DHX35: variants seen among roughly 807,000 people sequenced by gnomAD.
DHX35 encodes probable ATP-dependent RNA helicase DHX35.
DHX35 carries 84 observed loss-of-function variants against 99.6 expected under a neutral mutation model. The observed-to-expected ratio is 0.84, with a 90% CI of 0.71 to 1.01. DHX35 has a LOEUF of 1.01. DHX35 is among the 50% of genes least tolerant of loss of function. The probability of loss-of-function intolerance (pLI) is 0.00; values close to 1 mark genes in which losing one functional copy is unlikely to be tolerated. For synonymous variants in DHX35, 331 were observed against 316.2 expected (o/e 1.05, Z -0.50); for missense variants, 852 against 888.5 (o/e 0.96, Z 0.52).
chr20:39,028,289 T>G, intron 18 of DHX35, 129 bp from the exon 19 acceptor site: 1 of 871,906 alleles, frequency 1.1e-6, no homozygotes, highest in Non-Finnish European at 1.9e-6. Context: ...TGGAGCCATT[T>G]CAGGAGAGGG....
intron 13 of DHX35, among the ~76,000 whole-genome samples, 179 bp from the exon 14 acceptor site, chr20:39,014,700 AG>A (rs1428287102): frequency 6.6e-6 from 1 of 152,220 alleles, no homozygotes; most frequent in Non-Finnish European, 1.5e-5. Flanking sequence ...AAGCAGTACA[AG>A]GGTGCCTAGA....
intron 8 of DHX35, among the ~76,000 whole-genome samples, chr20:38,998,999 A>G (rs1476241917): frequency 2.6e-5 from 4 of 151,958 alleles, no homozygotes; most frequent in Non-Finnish European, 5.9e-5. Flanking sequence ...GGGTTTCACT[A>G]TGTTGGCCAG....
intron 14 of DHX35, among the ~76,000 whole-genome samples, chr20:39,015,186 C>G (rs2086765217): frequency 6.6e-6 from 1 of 152,162 alleles, no homozygotes; most frequent in Non-Finnish European, 1.5e-5. Context: ...ATCACCAGGG[C>G]TACACTCCTA....
In DHX35 at chr20:39,002,071, C is replaced by T. The variant is rs894968959; in HGVS notation, c.755+229C>T. ...CGTAAGTCTGTGGCCAGTAGCTCAGCCAGAGAGAGCAAAAGTGGTGAAAGG... is the reference window on the plus strand; with the variant it reads ...CGTAAGTCTGTGGCCAGTAGCTCAGTCAGAGAGAGCAAAAGTGGTGAAAGG... On this transcript the variant is annotated intron_variant, in intron 9 of 21. Transcript: ENST00000252011. Among the ~76,000 whole-genome samples, 80 of 152,182 alleles carry T rather than the reference C, an allele frequency of 5.3e-4. 1 individual carries two copies. Among genetic ancestry groups the T allele is most frequent in the Non-Finnish European group, 1.8e-4 (12 of 68,030 alleles).
intron 8 of DHX35, among the ~76,000 whole-genome samples, chr20:38,997,711 G>T (rs548670123): frequency 6.6e-6 from 1 of 152,234 alleles, no homozygotes; most frequent in East Asian, 1.9e-4. Flanking sequence ...TGTGTGGGTT[G>T]TGGGTCCGTG....
intron 2 of DHX35, among the ~76,000 whole-genome samples, chr20:38,971,875 A>G (rs369441908): frequency 3.3e-5 from 5 of 152,198 alleles, no homozygotes; most frequent in South Asian, 4.1e-4. Flanking sequence ...TTGTTGATCA[A>G]CATTTAGGCT....
chr20:38,980,368 C>T (rs2086152675), intron 3 of DHX35, among the ~76,000 whole-genome samples: 1 of 152,102 alleles, frequency 6.6e-6, no homozygotes, highest in Non-Finnish European at 1.5e-5. Flanking sequence ...GTTTCCTCAT[C>T]TGTGTATTGT....
chr20:38,980,042 C>T (rs1444482892), intron 3 of DHX35, among the ~76,000 whole-genome samples: 1 of 152,142 alleles, frequency 6.6e-6, no homozygotes, highest in Non-Finnish European at 1.5e-5. Flanking sequence ...CCCTCCGTGA[C>T]TCTCCACTGC....
At chr20:39,021,098 C>T (rs781005358) in intron 15 of DHX35, among the ~76,000 whole-genome samples, 28 of 152,198 alleles carry the variant, frequency 1.8e-4, no homozygotes, top group Non-Finnish European at 3.7e-4. Flanking sequence ...TGTTTCCAGG[C>T]GTTCCAGCAG....
At chr20:38,962,485 C>G (rs2085846710) in intron 1 of DHX35, 78 bp downstream of exon 1, 8 of 1,544,264 alleles carry the variant, frequency 5.2e-6, no homozygotes, top group Non-Finnish European at 6.1e-6. Flanking sequence ...GCCCTGGGGC[C>G]AGCAGACCTG....
intron 3 of DHX35, among the ~76,000 whole-genome samples, chr20:38,977,238 A>G (rs2086094291): frequency 6.6e-6 from 1 of 152,142 alleles, no homozygotes; most frequent in South Asian, 2.1e-4. Flanking sequence ...CCTTTTCTCC[A>G]CATTCTTGTC....
Position 38,962,346 on chromosome 20 carries a change from C to T in DHX35, c.-22C>T. ...GCGCGCGACGGTGGGGTGGAGCTAG[C>T]CTCGTGACCTTTTACCCCAACATGG... On this transcript the variant is annotated 5_prime_UTR_variant, in exon 1 of 22. Coordinates refer to ENST00000252011, the MANE Select transcript of DHX35 (RefSeq NM_021931.4). 3.7e-6 allele frequency: 6 copies of T among 1,610,244 alleles called. No individual in the cohort carries two copies. Among genetic ancestry groups the T allele is most frequent in the Non-Finnish European group, 4.2e-6 (5 of 1,178,326 alleles).
rs1404863594 is a variant in DHX35 at position 38,984,109 on chromosome 20, A to G, written c.345+333A>G. The stretch of plus-strand genomic sequence containing the variant: ...ATATTTTTAGTAGAGACGGGGTTTC[A>G]CCATGTTGGCCAGGCTGTTCTCAAA... On this transcript the variant is annotated intron_variant, in intron 4 of 21. Coordinates refer to ENST00000252011, the MANE Select transcript of DHX35 (RefSeq NM_021931.4). Among the ~76,000 whole-genome samples the G allele has an allele frequency of 2.6e-5, 4 of 152,120 alleles. No homozygotes were observed. The South Asian group carries it at 8.3e-4, about 32-fold the overall frequency.
intron 2 of DHX35, among the ~76,000 whole-genome samples, chr20:38,971,963 A>G (rs2086003282): frequency 6.7e-6 from 1 of 149,716 alleles, no homozygotes. Context: ...TATAGTATGT[A>G]GCAGTATGTC....
At chr20:38,994,461 T>G (rs1374548333) in intron 7 of DHX35, among the ~76,000 whole-genome samples, 1 of 152,176 alleles carries the variant, frequency 6.6e-6, no homozygotes, top group Non-Finnish European at 1.5e-5. Flanking sequence ...TAATATACTT[T>G]TTCATACATA....
At chr20:38,993,370 T>A (rs756108353) in intron 7 of DHX35, among the ~76,000 whole-genome samples, 8 of 152,196 alleles carry the variant, frequency 5.3e-5, no homozygotes, top group Non-Finnish European at 8.8e-5. Flanking sequence ...CTTTTTTTTC[T>A]TTTTTTGAGA....
At chr20:38,998,019 C>CA (rs1568734640) in intron 8 of DHX35, among the ~76,000 whole-genome samples, 1 of 152,182 alleles carries the variant, frequency 6.6e-6, no homozygotes, top group Non-Finnish European at 1.5e-5. Context: ...AGCCTGCAGA[C>CA]AAAGACAGCA....
At chr20:39,023,146 A>G (rs1307865221) in intron 16 of DHX35, among the ~76,000 whole-genome samples, 1 of 152,214 alleles carries the variant, frequency 6.6e-6, no homozygotes, top group Non-Finnish European at 1.5e-5. Context: ...TTTGCCAGAT[A>G]CCTTGTAATA....
rs1213568076 is a variant in DHX35, at chr20:39,035,106, C to T, written c.2067+789C>T. 1.1e-4 allele frequency among the ~76,000 whole-genome samples: 16 copies of T among 151,750 alleles called. No individual in the cohort carries two copies. The East Asian group carries it at 2.9e-3, about 28-fold the overall frequency. ...TTTATTTTTGGGACAGAGTCTTGCC[C>T]TGTCATCCTGGCTGGAATGCAGTGG... On this transcript the variant is annotated intron_variant, in intron 21 of 21. Transcript: ENST00000252011.
Sources: allele counts gnomAD v4.1 joint callset (sites outside exome capture counted in the v4.1 genomes callset), GRCh38; gene constraint gnomAD v4.1.1; transcripts MANE v1.5; gene names NCBI Gene and HGNC (gene_info 2026-07-23, HGNC 2026-07-21).